Variants in PAK5 observed in about 807,000 individuals in gnomAD.
The protein encoded by PAK5 is p21 (RAC1) activated kinase 5.
A neutral mutation model predicts 65.9 loss-of-function variants in PAK5; 16 were observed. That is an observed-to-expected ratio of 0.24 (90% CI 0.16 to 0.37). The LOEUF is 0.37. PAK5 is among the 10% of genes least tolerant of loss of function. The pLI is 1.00. For missense variants in PAK5, 785 were observed against 903.9 expected, an observed-to-expected ratio of 0.87 and a Z score of 1.69; for synonymous variants, 371 against 354.9, an observed-to-expected ratio of 1.05 and a Z score of -0.51.
At chr20:9,631,793 C>T (rs1309306784) in intron 3 of PAK5, among the ~76,000 whole-genome samples, 1 of 152,160 alleles carries the variant, frequency 6.6e-6, no homozygotes, top group South Asian at 2.1e-4. Context: ...CCATCTTAGG[C>T]AGCCATTAAC....
intron 1 of PAK5, among the ~76,000 whole-genome samples, chr20:9,758,612 T>C (rs1377478862): frequency 6.6e-6 from 1 of 152,182 alleles, no homozygotes; most frequent in African/African-American, 2.4e-5. Flanking sequence ...TGACATTGCA[T>C]TGGTAGCTTG....
chr20:9,796,910 T>C lies in PAK5; in HGVS notation c.-162+41852A>G, dbSNP rs1384902276. On this transcript the variant is annotated intron_variant, in intron 1 of 9. Coordinates refer to ENST00000353224, the MANE Select transcript of PAK5 (RefSeq NM_177990.4). ...ATTCCTTTGGGCATATACCCAGTAATGGGATGGCTGGGTCAAATGGTATTT... is the reference window on the plus strand; with the variant it reads ...ATTCCTTTGGGCATATACCCAGTAACGGGATGGCTGGGTCAAATGGTATTT... Among the ~76,000 whole-genome samples the C allele has an allele frequency of 2.6e-5, 4 of 152,124 alleles. No individual in the cohort carries two copies. In the East Asian group the frequency reaches 7.7e-4, roughly 29 times the overall value.
intron 2 of PAK5, among the ~76,000 whole-genome samples, chr20:9,651,365 A>G (rs1345909286): frequency 3.9e-5 from 6 of 152,198 alleles, no homozygotes; most frequent in African/African-American, 1.2e-4. Flanking sequence ...GCCAGGTCCA[A>G]TCAGTGGCTG....
intron 3 of PAK5, among the ~76,000 whole-genome samples, chr20:9,592,282 C>T (rs1382662025): frequency 6.6e-6 from 1 of 152,148 alleles, no homozygotes; most frequent in African/African-American, 2.4e-5. Context: ...AGAAGCAGAA[C>T]CCCCACCACT....
intron 2 of PAK5, among the ~76,000 whole-genome samples, chr20:9,684,673 C>A (rs893667269): frequency 1.3e-5 from 2 of 152,230 alleles, no homozygotes; most frequent in East Asian, 1.9e-4. Flanking sequence ...CCACTTCAAT[C>A]AAAAAAACTA....
At chr20:9,619,304 G>A (rs996342997) in intron 3 of PAK5, among the ~76,000 whole-genome samples, 3 of 152,188 alleles carry the variant, frequency 2.0e-5, no homozygotes, top group African/African-American at 7.2e-5. Context: ...AAAAAGCCAT[G>A]ACTGCTTTTG....
intron 3 of PAK5, among the ~76,000 whole-genome samples, chr20:9,581,413 A>G (rs939220864): frequency 1.3e-5 from 2 of 152,228 alleles, no homozygotes; most frequent in East Asian, 1.9e-4. Flanking sequence ...AACTATTAAC[A>G]TAACTAGAAA....
chr20:9,666,770 C>T (rs2047425709), intron 2 of PAK5, among the ~76,000 whole-genome samples: 1 of 152,170 alleles, frequency 6.6e-6, no homozygotes, highest in Admixed American at 6.6e-5. Flanking sequence ...AGGTATGTTG[C>T]TTGTCACATT....
At chr20:9,749,947 G>A (rs1329273897) in intron 1 of PAK5, among the ~76,000 whole-genome samples, 5 of 152,098 alleles carry the variant, frequency 3.3e-5, no homozygotes, top group Non-Finnish European at 7.4e-5. Context: ...ACTGCCTTAC[G>A]TTATCAGCTC....
chr20:9,539,712 A>C, intron 9 of PAK5, 95 bp from the exon 10 acceptor site: 1 of 978,322 alleles, frequency 1.0e-6, no homozygotes, highest in Non-Finnish European at 1.6e-6. Flanking sequence ...AACAACTTCA[A>C]ATTCCAGAAA....
In PAK5 at chr20:9,569,449, C is replaced by T. The variant is rs115811673; in HGVS notation, c.991-3065G>A. On this transcript the variant is annotated intron_variant, in intron 4 of 9. Coordinates refer to ENST00000353224, the MANE Select transcript of PAK5 (RefSeq NM_177990.4). The stretch of plus-strand genomic sequence containing the variant: ...GTCTGAGGACCCCAACGTCTAGATA[C>T]CAGAAAGAGCAGAGGGATCTTGCAA... Among the ~76,000 whole-genome samples, 655 of 152,122 alleles carry T rather than the reference C, an allele frequency of 4.3e-3. 6 individuals are homozygous for T. Among genetic ancestry groups the T allele is most frequent in the African/African-American group, 0.015 (625 of 41,466 alleles).
chr20:9,763,189 A>G (rs1459949991), intron 1 of PAK5, among the ~76,000 whole-genome samples: 1 of 152,108 alleles, frequency 6.6e-6, no homozygotes, highest in African/African-American at 2.4e-5. Flanking sequence ...CTGTAGATCT[A>G]CTATATAGCA....
intron 1 of PAK5, among the ~76,000 whole-genome samples, chr20:9,713,813 G>A (rs761974560): frequency 6.6e-5 from 10 of 151,998 alleles, no homozygotes; most frequent in Non-Finnish European, 1.3e-4. Context: ...TAGACCTCAC[G>A]GAGGTAGATG....
At chr20:9,815,691 C>A (rs2050107) in intron 1 of PAK5, among the ~76,000 whole-genome samples, 1 of 151,984 alleles carries the variant, frequency 6.6e-6, no homozygotes, top group Non-Finnish European at 1.5e-5. Flanking sequence ...AGTGGTCTAC[C>A]ATAGCAATTC....
chr20:9,665,083 C>CTGTTTTTTTTT (rs1441840435), intron 2 of PAK5, among the ~76,000 whole-genome samples: 6 of 42,582 alleles, frequency 1.4e-4, no homozygotes, highest in East Asian at 2.0e-3. Context: ...CTAAATTTTT[C>CTGTTTTTTTTT]TGTTTTTTTT....
intron 2 of PAK5, among the ~76,000 whole-genome samples, chr20:9,701,063 A>G (rs73071949): frequency 0.34 from 50,882 of 151,572 alleles, 9,164 homozygotes; most frequent in African/African-American, 0.48. Flanking sequence ...TTCCCTCTTT[A>G]AAAAGTTCTC....
rs1028882049 is a variant in PAK5, at chr20:9,818,471, C to T, written c.-162+20291G>A. Reference sequence around the variant, plus strand: ...TAAAGTATTTTTTACTCTGCTTTAACGAATATCACTGAAACACCCTCCATT... The same window carrying T: ...TAAAGTATTTTTTACTCTGCTTTAATGAATATCACTGAAACACCCTCCATT... On this transcript the variant is annotated intron_variant, in intron 1 of 9. Transcript: ENST00000353224. 5.3e-5 allele frequency among the ~76,000 whole-genome samples: 8 copies of T among 152,218 alleles called. 1 individual carries two copies. The highest frequency in any genetic ancestry group is 9.6e-5 in the African/African-American group (4 of 41,544).
intron 2 of PAK5, among the ~76,000 whole-genome samples, chr20:9,690,817 C>T (rs1019816398): frequency 7.0e-6 from 1 of 142,704 alleles, no homozygotes; most frequent in African/African-American, 2.7e-5. Context: ...TGCAATGGCG[C>T]AATTAGGCTC....
rs768055926 is a variant in PAK5, at chr20:9,644,333, C to T, written c.-5G>A. On this transcript the variant is annotated 5_prime_UTR_variant, in exon 3 of 10. Transcript: ENST00000353224. ...TTTCTTTTTCTTCCCAAACATGATG[C>T]CAAAACCTGGGAAATATAAATGGAA... is the stretch of plus-strand genomic sequence containing the variant. The T allele has an allele frequency of 4.4e-6, 7 of 1,606,038 alleles. No homozygotes were observed. The Admixed American group carries it at 1.2e-4, about 27-fold the overall frequency.
Sources: gnomAD v4.1 joint callset for allele counts (sites outside exome capture counted in the v4.1 genomes callset) on GRCh38, gnomAD v4.1.1 for gene constraint, MANE v1.5 for transcripts, NCBI Gene and HGNC (gene_info 2026-07-23, HGNC 2026-07-21) for gene names.